The following STAM variants were observed in gnomAD, a reference collection of about 807,000 sequenced individuals.
STAM encodes the protein signal transducing adapter molecule 1.
Under a neutral mutation model 63.4 loss-of-function variants are expected in STAM, and 16 were observed. The ratio of observed to expected loss-of-function variants is 0.25; its 90% CI spans 0.17 to 0.38. The LOEUF (loss-of-function observed/expected upper bound fraction) is 0.38, where lower values mean the gene tolerates loss of function less well. Ranked by LOEUF, STAM falls within the 10% of genes least tolerant of loss-of-function variation. The pLI is 1.00. For synonymous variants in STAM, 238 were observed against 223.9 expected (o/e 1.06, Z -0.56); for missense variants, 636 against 657.1 (o/e 0.97, Z 0.35).
intron 10 of STAM, 89 bp downstream of exon 10, chr10:17,704,607 T>C: frequency 2.6e-6 from 3 of 1,140,876 alleles, no homozygotes; most frequent in Non-Finnish European, 3.9e-6. Flanking sequence ...GAGGATAATA[T>C]TAAAAATGGA....
chr10:17,674,799 C>T (rs1834778554), intron 2 of STAM, among the ~76,000 whole-genome samples: 1 of 152,060 alleles, frequency 6.6e-6, no homozygotes, highest in African/African-American at 2.4e-5. Flanking sequence ...ACATAATTTG[C>T]CTGAGGCCTG....
intron 2 of STAM, among the ~76,000 whole-genome samples, chr10:17,660,817 G>T (rs1026193755): frequency 6.6e-6 from 1 of 152,144 alleles, no homozygotes; most frequent in African/African-American, 2.4e-5. Context: ...AGTTTAAAAA[G>T]AGAATATTTT....
chr10:17,707,379 C>T (rs1836336482), intron 12 of STAM, among the ~76,000 whole-genome samples: 1 of 152,002 alleles, frequency 6.6e-6, no homozygotes, highest in Admixed American at 6.6e-5. Context: ...CATTGCACTC[C>T]AGCCTGGGCG....
chr10:17,689,359 C>T (rs1835434410), intron 5 of STAM, among the ~76,000 whole-genome samples: 2 of 152,184 alleles, frequency 1.3e-5, no homozygotes. Context: ...TATCTACATT[C>T]ATCCAGACCT....
At position 17,714,807 on chromosome 10, in the gene STAM, T is replaced by A. The variant is rs782763918; in HGVS notation, c.*27T>A. On this transcript the variant is annotated 3_prime_UTR_variant, in exon 14 of 14. Coordinates refer to ENST00000377524, the MANE Select transcript of STAM (RefSeq NM_003473.4). ...ACCCGGTGTTCCTCTTGGTGGCAGA[T>A]ACCTGCTAAATGCCACTGACAATGT... 4.3e-5 allele frequency: 69 copies of A among 1,588,032 alleles called. No individual in the cohort carries two copies. Among genetic ancestry groups the A allele is most frequent in the Non-Finnish European group, 6.0e-5 (69 of 1,156,334 alleles).
intron 1 of STAM, among the ~76,000 whole-genome samples, chr10:17,649,386 C>G (rs1833647515): frequency 7.5e-6 from 1 of 132,478 alleles, no homozygotes; most frequent in Admixed American, 7.9e-5. Context: ...GAGTGAGACC[C>G]TGTCTTTAAA....
intron 4 of STAM, among the ~76,000 whole-genome samples, chr10:17,686,030 TAGC>T (rs1554826041): frequency 3.3e-5 from 5 of 152,094 alleles, no homozygotes; most frequent in Non-Finnish European, 5.9e-5. Flanking sequence ...AGTAGAAAAA[TAGC>T]AGTATAGAAA....
At chr10:17,669,794 T>G (rs2131600503) in intron 2 of STAM, among the ~76,000 whole-genome samples, 1 of 151,648 alleles carries the variant, frequency 6.6e-6, no homozygotes, top group East Asian at 1.9e-4. Context: ...GCCTCCCAGG[T>G]TCACACCGTT....
chr10:17,651,064 CAAAAAAAAAA>C (rs10606057), intron 1 of STAM, among the ~76,000 whole-genome samples: 14 of 55,764 alleles, frequency 2.5e-4, no homozygotes, highest in Non-Finnish European at 3.3e-4. Flanking sequence ...GAGTCCGTCT[CAAAAAAAAAA>C]AAAAAAAAAA....
chr10:17,684,711 G>A lies in STAM; in HGVS notation c.162G>A (p.Val54=), dbSNP rs370185389. Residue 54 remains valine, a synonymous_variant, in exon 3 of 14, where the codon GTG becomes GTA. Coordinates refer to ENST00000377524, the MANE Select transcript of STAM (RefSeq NM_003473.4). ...GTCTTCGGTCTATTATGAGAAGAGT[G>A]AACCACAAAGATCCTCACGTTGCTA... The part of the protein sequence containing the change: ...KDCLRSIMRR[V]NHKDPHVAMQ... 1.2e-6 allele frequency: 2 copies of A among 1,613,938 alleles called. No individual in the cohort carries two copies. The highest frequency in any genetic ancestry group is 1.7e-6 in the Non-Finnish European group (2 of 1,180,012).
At chr10:17,706,581 G>C (rs893250971) in intron 12 of STAM, among the ~76,000 whole-genome samples, 2 of 151,796 alleles carry the variant, frequency 1.3e-5, no homozygotes, top group African/African-American at 4.8e-5. Context: ...GGGTTTCGCC[G>C]TGTTAGCCAG....
At chr10:17,703,023 A>AAAAAAAAAG (rs1554828727) in intron 9 of STAM, among the ~76,000 whole-genome samples, 1 of 114,216 alleles carries the variant, frequency 8.8e-6, no homozygotes, top group African/African-American at 3.1e-5. Flanking sequence ...AAAAAAAAAA[A>AAAAAAAAAG]AAAAGAAAAG....
Position 17,684,819 on chromosome 10 carries a change from T to A in STAM, c.202-13T>A, listed in dbSNP as rs1450782811. On this transcript the variant is annotated splice_polypyrimidine_tract_variant and intron_variant, in intron 3 of 13. Coordinates refer to ENST00000377524, the MANE Select transcript of STAM (RefSeq NM_003473.4). ...CAATTGAGCCCCTTTAACTTCTGAT[T>A]TTGTGCTTTTAGCTTCTAGGAGCAT... The A allele has an allele frequency of 1.2e-6, 2 of 1,613,884 alleles. No individual in the cohort carries two copies. Among genetic ancestry groups the A allele is most frequent in the South Asian group, 2.2e-5 (2 of 91,022 alleles).
chr10:17,669,786 C>T (rs1295529053), intron 2 of STAM, among the ~76,000 whole-genome samples: 20 of 151,520 alleles, frequency 1.3e-4, no homozygotes, highest in African/African-American at 4.8e-4. Flanking sequence ...CAAATGCCGC[C>T]TCCCAGGTTC....
chr10:17,709,654 C>T lies in STAM; in HGVS notation c.1385+703C>T, dbSNP rs1347137439. On this transcript the variant is annotated intron_variant, in intron 13 of 13. Coordinates refer to ENST00000377524, the MANE Select transcript of STAM (RefSeq NM_003473.4). ...TTTTAAGAGTTTACCAACGTGTATTCTAGAAGTTACGACATTCTAGCTGGC... is the reference window on the plus strand; with the variant it reads ...TTTTAAGAGTTTACCAACGTGTATTTTAGAAGTTACGACATTCTAGCTGGC... Among the ~76,000 whole-genome samples the T allele has an allele frequency of 2.6e-5, 4 of 152,176 alleles. No individual in the cohort carries two copies. The East Asian group carries it at 7.7e-4, about 29-fold the overall frequency.
At chr10:17,704,333 C>G (rs1836154791) in intron 9 of STAM, 98 bp from the exon 10 acceptor site, 2 of 1,043,866 alleles carry the variant, frequency 1.9e-6, no homozygotes, top group Admixed American at 1.9e-5. Context: ...GTCTCCATAA[C>G]TATGAATTTC....
At chr10:17,651,610 G>A (rs1441097155) in intron 1 of STAM, among the ~76,000 whole-genome samples, 1 of 152,180 alleles carries the variant, frequency 6.6e-6, no homozygotes, top group Admixed American at 6.5e-5. Context: ...TCTGTTTTAT[G>A]TTCCTCTCTG....
intron 2 of STAM, among the ~76,000 whole-genome samples, chr10:17,683,254 C>T (rs1048108152): frequency 6.6e-6 from 1 of 152,248 alleles, no homozygotes; most frequent in Middle Eastern, 3.4e-3. Flanking sequence ...TCCTCGACCT[C>T]TGGGGCTCAA....
chr10:17,654,825 G>A (rs1292264937), intron 1 of STAM, among the ~76,000 whole-genome samples: 1 of 151,858 alleles, frequency 6.6e-6, no homozygotes, highest in Non-Finnish European at 1.5e-5. Context: ...TCCTTATTTG[G>A]AACTCTTGGC....
Sources: gnomAD v4.1 joint callset for allele counts (sites outside exome capture counted in the v4.1 genomes callset) on GRCh38, gnomAD v4.1.1 for gene constraint, MANE v1.5 for transcripts, NCBI Gene and HGNC (gene_info 2026-07-23, HGNC 2026-07-21) for gene names.